Variants in THOC1 observed in about 807,000 individuals in gnomAD.
THOC1 encodes THO complex subunit 1.
A neutral mutation model predicts 97.3 loss-of-function variants in THOC1; 29 were observed. That is an observed-to-expected ratio of 0.30 (90% CI 0.22 to 0.41). THOC1 has a LOEUF of 0.41. Ranked by LOEUF, THOC1 falls within the 10% of genes least tolerant of loss-of-function variation. The probability of loss-of-function intolerance (pLI) is 1.00; values close to 1 mark genes in which losing one functional copy is unlikely to be tolerated. For synonymous variants in THOC1, 255 were observed against 257.0 expected, an observed-to-expected ratio of 0.99 and a Z score of 0.07; for missense variants, 529 against 761.9, an observed-to-expected ratio of 0.69 and a Z score of 3.60.
chr18:216,644 AG>A lies in THOC1; in HGVS notation c.1455-12del. 6.2e-7 allele frequency: 1 copy of A among 1,608,368 alleles called. No individual in the cohort carries two copies. The highest frequency in any genetic ancestry group is 8.5e-7 in the Non-Finnish European group (1 of 1,177,312). ...GAATTGTTCACAGCCCTATAAAAAG[AG>A]GTGTCAGGCTTGTAATTTATAGCTT... On this transcript the variant is annotated splice_polypyrimidine_tract_variant and intron_variant, in intron 18 of 20. Coordinates refer to ENST00000261600, the MANE Select transcript of THOC1 (RefSeq NM_005131.3).
At position 246,336 on chromosome 18, in the gene THOC1, T is replaced by C; in HGVS notation, c.906A>G (p.Leu302=). 2.3e-5 allele frequency: 37 copies of C among 1,574,900 alleles called. No individual in the cohort carries two copies. Among genetic ancestry groups the C allele is most frequent in the Non-Finnish European group, 3.2e-5 (37 of 1,152,448 alleles). ...GAAAAACTTATACCTTTTCACTTGT[T>C]AAAAATTTTGCAAAATATACATGTT... ...GGEHVYFAKF[L]TSEKLMDLQL... Residue 302 remains leucine (L), a synonymous_variant, in exon 11 of 21, where the codon TTA becomes TTG. Transcript: ENST00000261600.
At chr18:222,545 G>C (rs895275321) in intron 17 of THOC1, among the ~76,000 whole-genome samples, 1 of 152,142 alleles carries the variant, frequency 6.6e-6, no homozygotes, top group Non-Finnish European at 1.5e-5. Flanking sequence ...TCTGGACATA[G>C]GGAAAGTAAG....
chr18:257,248 A>G (rs1912465302), intron 7 of THOC1, among the ~76,000 whole-genome samples: 1 of 152,230 alleles, frequency 6.6e-6, no homozygotes. Context: ...CTTATTATTC[A>G]TGACTATTCC....
At chr18:237,855 T>G (rs541135462) in intron 11 of THOC1, among the ~76,000 whole-genome samples, 1 of 152,210 alleles carries the variant, frequency 6.6e-6, no homozygotes, top group East Asian at 1.9e-4. Flanking sequence ...AAATTATAAA[T>G]TTAAATAGTA....
At chr18:259,855 C>CT (rs1272674181) in intron 5 of THOC1, 125 bp from the exon 6 acceptor site, 1 of 621,970 alleles carries the variant, frequency 1.6e-6, no homozygotes, top group Non-Finnish European at 2.6e-6. Flanking sequence ...GCCACTTTCA[C>CT]TTTTTTTAAG....
intron 11 of THOC1, among the ~76,000 whole-genome samples, chr18:227,688 C>T (rs1402740262): frequency 1.3e-5 from 2 of 152,158 alleles, no homozygotes; most frequent in Non-Finnish European, 2.9e-5. Context: ...GTGCATGGAA[C>T]ACTGAAGGAA....
intron 9 of THOC1, among the ~76,000 whole-genome samples, chr18:250,990 T>C (rs900590273): frequency 1.1e-4 from 17 of 152,198 alleles, no homozygotes; most frequent in Non-Finnish European, 8.8e-5. Context: ...AATGAATAAA[T>C]AGGTCTCTAA....
At chr18:249,438 G>A (rs1463788019) in intron 9 of THOC1, among the ~76,000 whole-genome samples, 4 of 152,052 alleles carry the variant, frequency 2.6e-5, no homozygotes, top group Non-Finnish European at 4.4e-5. Context: ...AGGCTGAGGC[G>A]GGCGGATCAC....
chr18:260,949 G>A (rs984820376), intron 4 of THOC1: 1 of 152,060 alleles, frequency 6.6e-6, no homozygotes, highest in African/African-American at 2.4e-5. Context: ...CCAGATGAAT[G>A]GTAGCTTTTA....
chr18:259,846 C>A, intron 5 of THOC1, 116 bp from the exon 6 acceptor site: 5 of 656,818 alleles, frequency 7.6e-6, no homozygotes, highest in African/African-American at 1.9e-5. Context: ...ATCTACTATG[C>A]CACTTTCACT....
rs773196941 is a variant in THOC1, at chr18:265,283, C to G, written c.189+20G>C. On this transcript the variant is annotated intron_variant, in intron 3 of 20. Transcript: ENST00000261600. ...TATTAATTTGTCAGTAAAATTTTAA[C>G]AATGGAAAAACATACTTACAATTTC... is the stretch of plus-strand genomic sequence containing the variant. 6 of 1,560,018 alleles carry G rather than the reference C, an allele frequency of 3.8e-6. No individual in the cohort carries two copies. Among genetic ancestry groups the G allele is most frequent in the Non-Finnish European group, 5.2e-6 (6 of 1,157,362 alleles).
At position 238,574 on chromosome 18, in the gene THOC1, C is replaced by T. The variant is rs576309707; in HGVS notation, c.918+7750G>A. On this transcript the variant is annotated intron_variant, in intron 11 of 20. Coordinates refer to ENST00000261600, the MANE Select transcript of THOC1 (RefSeq NM_005131.3). ...GTAGAGCATGTTACTGCACTGAATA[C>T]TGTAAGCAACTGTAACACAATGGTT... Among the ~76,000 whole-genome samples the T allele has an allele frequency of 2.0e-5, 3 of 152,330 alleles. No individual in the cohort carries two copies. The South Asian group carries it at 6.2e-4, about 32-fold the overall frequency.
chr18:225,974 CAG>C (rs1911270415), intron 12 of THOC1: 2 of 152,474 alleles, frequency 1.3e-5, no homozygotes, highest in African/African-American at 2.4e-5. Context: ...ACATATTAAA[CAG>C]AGACTACCGT....
chr18:246,055 T>C (rs543635187), intron 11 of THOC1: 5 of 229,168 alleles, frequency 2.2e-5, no homozygotes, highest in Non-Finnish European at 4.2e-5. Flanking sequence ...ATTTAAAATA[T>C]ATAGACATGA....
intron 9 of THOC1, among the ~76,000 whole-genome samples, chr18:248,782 A>G (rs568923177): frequency 6.6e-6 from 1 of 151,772 alleles, no homozygotes; most frequent in East Asian, 1.9e-4. Context: ...AAGGAGTCTC[A>G]CTCTGTTGCC....
intron 7 of THOC1, among the ~76,000 whole-genome samples, chr18:255,669 G>A (rs893803146): frequency 1.6e-4 from 24 of 152,212 alleles, no homozygotes; most frequent in African/African-American, 5.8e-4. Flanking sequence ...GAATATTGAT[G>A]AAGGTGGCTA....
chr18:263,238 G>A (rs912826008), intron 4 of THOC1, among the ~76,000 whole-genome samples: 1 of 152,014 alleles, frequency 6.6e-6, no homozygotes, highest in African/African-American at 2.4e-5. Context: ...CCGACACCGC[G>A]CCCGGCTAAT....
At chr18:218,787 T>C in intron 18 of THOC1, 99 bp downstream of exon 18, 2 of 922,610 alleles carry the variant, frequency 2.2e-6, no homozygotes, top group South Asian at 3.3e-5. Flanking sequence ...CACTATTCTA[T>C]CTACTGCCTC....
rs1911180894 is a variant in THOC1 at position 223,939 on chromosome 18, G to A, written c.1304+145C>T. ...GGTGCATGAACCCACACAATGGGCAGTATAGACAGTGCGGTTTGCTTTGGC... is the reference window on the plus strand; with the variant it reads ...GGTGCATGAACCCACACAATGGGCAATATAGACAGTGCGGTTTGCTTTGGC... On this transcript the variant is annotated intron_variant, in intron 16 of 20. Coordinates refer to ENST00000261600, the MANE Select transcript of THOC1 (RefSeq NM_005131.3). 2 of 657,948 alleles carry A rather than the reference G, an allele frequency of 3.0e-6. 1 individual carries two copies. The highest frequency in any genetic ancestry group is 3.7e-5 in the South Asian group (2 of 53,966). 40.8% of individuals were successfully genotyped at this position (657,948 alleles called of 1,614,324 possible).
Sources: allele counts gnomAD v4.1 joint callset (sites outside exome capture counted in the v4.1 genomes callset), GRCh38; gene constraint gnomAD v4.1.1; transcripts MANE v1.5; gene names NCBI Gene and HGNC (gene_info 2026-07-23, HGNC 2026-07-21).